The following DNAJC7 variants were observed in gnomAD, a reference collection of about 807,000 sequenced individuals.
The protein encoded by DNAJC7 is DnaJ heat shock protein family (Hsp40) member C7.
A neutral mutation model predicts 67.4 loss-of-function variants in DNAJC7; 18 were observed. That is an observed-to-expected ratio of 0.27 (90% CI 0.18 to 0.40). The LOEUF (loss-of-function observed/expected upper bound fraction) is 0.40, where lower values mean the gene tolerates loss of function less well. Among genes scored for constraint, DNAJC7 ranks in the 10% least tolerant of loss-of-function variants. DNAJC7 has a pLI of 1.00. For synonymous variants in DNAJC7, 220 were observed against 207.8 expected, an observed-to-expected ratio of 1.06 and a Z score of -0.50; for missense variants, 419 against 613.8, an observed-to-expected ratio of 0.68 and a Z score of 3.35.
chr17:42,013,165 T>C (rs1555651296), intron 1 of DNAJC7: 2 of 152,182 alleles, frequency 1.3e-5, no homozygotes, highest in African/African-American at 4.8e-5. Context: ...CTCAAACTAC[T>C]GGGCTTAAGC....
intron 4 of DNAJC7, among the ~76,000 whole-genome samples, chr17:41,995,750 A>G (rs2051639708): frequency 6.6e-6 from 1 of 152,246 alleles, no homozygotes; most frequent in Admixed American, 6.5e-5. Context: ...ATATATGGAG[A>G]TGGAACTAAA....
intron 5 of DNAJC7, among the ~76,000 whole-genome samples, chr17:41,994,636 C>T (rs1555648307): frequency 6.7e-6 from 1 of 148,902 alleles, no homozygotes; most frequent in Non-Finnish European, 1.5e-5. Context: ...ACAATAGAAA[C>T]AAACTCAAGT....
At chr17:41,993,312 A>C (rs985767833) in intron 5 of DNAJC7, among the ~76,000 whole-genome samples, 1 of 152,074 alleles carries the variant, frequency 6.6e-6, no homozygotes, top group African/African-American at 2.4e-5. Flanking sequence ...ACAAAAAATT[A>C]GCTGGGCGTG....
intron 1 of DNAJC7, chr17:42,013,416 C>T (rs552718494): frequency 7.2e-5 from 11 of 152,212 alleles, no homozygotes; most frequent in African/African-American, 1.9e-4. Flanking sequence ...ATTTTGCCCC[C>T]CTATGGGACT....
chr17:41,987,966 G>A, intron 8 of DNAJC7, 56 bp from the exon 9 acceptor site: 6 of 1,456,036 alleles, frequency 4.1e-6, no homozygotes, highest in Non-Finnish European at 5.7e-6. Context: ...AGGGAGCCCA[G>A]AAGCTGTGAG....
At chr17:42,008,409 G>A (rs1469102543) in intron 1 of DNAJC7, among the ~76,000 whole-genome samples, 1 of 55,710 alleles carries the variant, frequency 1.8e-5, no homozygotes, top group Non-Finnish European at 3.2e-5. Flanking sequence ...TATATATATA[G>A]ATATAGATTT....
chr17:42,014,914 G>A (rs1294770665), intron 1 of DNAJC7: 8 of 151,170 alleles, frequency 5.3e-5, no homozygotes, highest in Non-Finnish European at 1.2e-4. Flanking sequence ...CAGGAATAAT[G>A]CATGTTGTCA....
chr17:41,997,744 T>C (rs1339478142), intron 2 of DNAJC7, among the ~76,000 whole-genome samples: 6 of 152,202 alleles, frequency 3.9e-5, no homozygotes, highest in African/African-American at 1.4e-4. Flanking sequence ...GCTGTGGTGC[T>C]ATCTCGGCTC....
intron 1 of DNAJC7, 39 bp from the exon 2 acceptor site, chr17:42,000,609 A>G: frequency 4.1e-6 from 6 of 1,479,968 alleles, no homozygotes; most frequent in Non-Finnish European, 5.6e-6. Context: ...TTACTTTACA[A>G]AGGGAATAAC....
intron 1 of DNAJC7, among the ~76,000 whole-genome samples, chr17:42,004,116 A>G (rs1318562035): frequency 2.0e-5 from 3 of 151,840 alleles, no homozygotes; most frequent in Non-Finnish European, 2.9e-5. Flanking sequence ...CACCATGCCC[A>G]GCTATTTTTT....
chr17:42,014,657 T>G (rs2052216323), intron 1 of DNAJC7: 2 of 151,236 alleles, frequency 1.3e-5, no homozygotes, highest in African/African-American at 4.9e-5. Flanking sequence ...AATGGCATGA[T>G]CTCCCCTCAC....
In DNAJC7 at chr17:41,987,852, G is replaced by A. The variant is rs782803095; in HGVS notation, c.977C>T (p.Thr326Ile). ...TCTTCTCAAGTAGGCTTTTATGTAA[G>A]TGTCATCAAGCTTCACTGCATTTGT... is the stretch of plus-strand genomic sequence containing the variant. ...DCTNAVKLDDTYIKAYLRRAQ... is the reference protein window; with the variant it reads ...DCTNAVKLDDIYIKAYLRRAQ... The change falls in exon 9 of 14, where the codon ACT becomes ATT. Residue 326 changes from threonine (T) to isoleucine (I), a missense_variant. By Grantham distance (89) the Thr-to-Ile change is moderately conservative. Around this residue, in one of 4 missense-constraint regions of DNAJC7, gnomAD observed 161 missense variants for 252.2 expected, o/e 0.64. Coordinates refer to ENST00000457167, the MANE Select transcript of DNAJC7 (RefSeq NM_003315.4). 2 of 1,611,790 alleles carry A rather than the reference G, an allele frequency of 1.2e-6. No homozygotes were observed. Among genetic ancestry groups the A allele is most frequent in the South Asian group, 2.2e-5 (2 of 90,522 alleles).
At chr17:41,990,041 C>A (rs2051473592) in intron 6 of DNAJC7, among the ~76,000 whole-genome samples, 1 of 152,222 alleles carries the variant, frequency 6.6e-6, no homozygotes, top group African/African-American at 2.4e-5. Context: ...CACAAAAACA[C>A]AATCTGTTCT....
chr17:41,981,444 T>C (rs1379269654), intron 12 of DNAJC7, among the ~76,000 whole-genome samples: 1 of 151,772 alleles, frequency 6.6e-6, no homozygotes, highest in Non-Finnish European at 1.5e-5. Flanking sequence ...TCAACCTGCT[T>C]TGACCTCACA....
chr17:41,998,049 G>A (rs782655920), intron 2 of DNAJC7, among the ~76,000 whole-genome samples: 2 of 152,078 alleles, frequency 1.3e-5, no homozygotes, highest in Non-Finnish European at 2.9e-5. Flanking sequence ...TTTTTGTTGA[G>A]ATGGGGTTTT....
chr17:42,012,001 G>A (rs1555651085), intron 1 of DNAJC7, among the ~76,000 whole-genome samples: 1 of 152,230 alleles, frequency 6.6e-6, no homozygotes, highest in African/African-American at 2.4e-5. Context: ...TACCTAGGTA[G>A]TAAGGGCCTA....
rs782659734 is a variant in DNAJC7 at position 41,982,421 on chromosome 17, A to G, written c.1085-20T>C. 5.6e-6 allele frequency: 9 copies of G among 1,612,454 alleles called. No homozygotes were observed. In the East Asian group the frequency reaches 1.8e-4, roughly 32 times the overall value. The stretch of plus-strand genomic sequence containing the variant: ...TGTGTTCTACAGGAAGACATCTGGC[A>G]TCAGTGGACAAATCTGACTCTGGTT... On this transcript the variant is annotated intron_variant, in intron 10 of 13. Coordinates refer to ENST00000457167, the MANE Select transcript of DNAJC7 (RefSeq NM_003315.4).
At chr17:41,989,695 G>C in intron 6 of DNAJC7, 138 bp from the exon 7 acceptor site, 1 of 1,125,012 alleles carries the variant, frequency 8.9e-7, no homozygotes, top group East Asian at 2.4e-5. Context: ...CCCAAGAACT[G>C]TTCCCAAACT....
intron 11 of DNAJC7, 64 bp from the exon 12 acceptor site, chr17:41,982,071 A>C: frequency 6.3e-7 from 1 of 1,589,980 alleles, no homozygotes; most frequent in Non-Finnish European, 8.5e-7. Flanking sequence ...AAAGTTTAAG[A>C]GAAAAACTAC....
Sources: gnomAD v4.1 joint callset for allele counts (sites outside exome capture counted in the v4.1 genomes callset) on GRCh38, gnomAD v4.1.1 for gene constraint, gnomAD v4.1.1 regional missense constraint, MANE v1.5 for transcripts, NCBI Gene and HGNC (gene_info 2026-07-23, HGNC 2026-07-21) for gene names.